The following SLC9A9 variants were observed in gnomAD, a reference collection of about 807,000 sequenced individuals.
The protein encoded by SLC9A9 is sodium/hydrogen exchanger 9.
In SLC9A9, 62 loss-of-function variants were observed where a neutral mutation model predicts 77.8. That is an observed-to-expected ratio of 0.80 (90% CI 0.65 to 0.98). The LOEUF (loss-of-function observed/expected upper bound fraction) is 0.98. SLC9A9 is among the 50% of genes least tolerant of loss of function. The pLI, the probability that SLC9A9 is intolerant of heterozygous loss-of-function variation, is 0.00. For missense variants in SLC9A9, 775 were observed against 774.9 expected, an observed-to-expected ratio of 1.00 and a Z score of 0.00; for synonymous variants, 320 against 283.5, an observed-to-expected ratio of 1.13 and a Z score of -1.29.
chr3:143,516,006 C>T (rs2036197221), intron 9 of SLC9A9, among the ~76,000 whole-genome samples: 1 of 152,106 alleles, frequency 6.6e-6, no homozygotes, highest in East Asian at 1.9e-4. Flanking sequence ...AATTCTGGGC[C>T]TTGTGTTTTT....
chr3:143,540,982 A>G (rs967059834), intron 9 of SLC9A9, among the ~76,000 whole-genome samples: 1 of 152,224 alleles, frequency 6.6e-6, no homozygotes, highest in African/African-American at 2.4e-5. Context: ...ACCATATACG[A>G]AATTAAAAGC....
At chr3:143,404,227 G>A (rs541790992) in intron 12 of SLC9A9, among the ~76,000 whole-genome samples, 64 of 149,020 alleles carry the variant, frequency 4.3e-4, no homozygotes, top group African/African-American at 1.5e-3. Context: ...AGGCTAGAGC[G>A]CAGTGGCGTG....
At chr3:143,646,515 T>C (rs1334085239) in intron 6 of SLC9A9, among the ~76,000 whole-genome samples, 1 of 149,758 alleles carries the variant, frequency 6.7e-6, no homozygotes, top group African/African-American at 2.5e-5. Context: ...ATTGTGAATA[T>C]CTTTTCCCAT....
At chr3:143,628,193 G>A (rs901984809) in intron 6 of SLC9A9, among the ~76,000 whole-genome samples, 1 of 152,160 alleles carries the variant, frequency 6.6e-6, no homozygotes, top group Non-Finnish European at 1.5e-5. Context: ...GGGATGGAGG[G>A]ATAAAAGGAG....
intron 6 of SLC9A9, among the ~76,000 whole-genome samples, chr3:143,588,527 CCT>C (rs1253709415): frequency 6.6e-6 from 1 of 152,054 alleles, no homozygotes. Flanking sequence ...GACAAAGAGG[CCT>C]CTGAGTTTAA....
intron 12 of SLC9A9, among the ~76,000 whole-genome samples, chr3:143,437,094 C>T (rs2034634139): frequency 6.6e-6 from 1 of 152,224 alleles, no homozygotes. Context: ...CCAGACTTGG[C>T]CCTTCATGTC....
rs146918475 is a variant in SLC9A9 at position 143,834,046 on chromosome 3, G to A, written c.176-1825C>T. 7.2e-3 allele frequency among the ~76,000 whole-genome samples: 1,093 copies of A among 152,256 alleles called. 7 individuals are homozygous for A. Among genetic ancestry groups the A allele is most frequent in the Middle Eastern group, 0.014 (4 of 294 alleles). ...GGGAGTAAACCAATCATGCTTTCAT[G>A]TGAGAACCATCACTTTGGCAACAAT... On this transcript the variant is annotated intron_variant, in intron 1 of 15. Coordinates refer to ENST00000316549, the MANE Select transcript of SLC9A9 (RefSeq NM_173653.4).
chr3:143,405,394 A>G (rs1430540575), intron 12 of SLC9A9, among the ~76,000 whole-genome samples: 2 of 152,064 alleles, frequency 1.3e-5, no homozygotes, highest in African/African-American at 4.8e-5. Context: ...CGGGGAGAGG[A>G]TGGTGGGTCC....
intron 2 of SLC9A9, among the ~76,000 whole-genome samples, chr3:143,812,447 G>T (rs2008893953): frequency 6.6e-6 from 1 of 152,200 alleles, no homozygotes. Flanking sequence ...AAATAATGTG[G>T]CTGTGCTCAA....
At chr3:143,396,249 C>G (rs1323122581) in intron 12 of SLC9A9, among the ~76,000 whole-genome samples, 1 of 152,144 alleles carries the variant, frequency 6.6e-6, no homozygotes, top group Admixed American at 6.5e-5. Context: ...CACATATACA[C>G]CATGGAATAC....
At chr3:143,707,639 T>C (rs1223331790) in intron 4 of SLC9A9, among the ~76,000 whole-genome samples, 2 of 152,210 alleles carry the variant, frequency 1.3e-5, no homozygotes, top group African/African-American at 4.8e-5. Flanking sequence ...GCATTAGGGA[T>C]AATCTATTAG....
intron 14 of SLC9A9, among the ~76,000 whole-genome samples, chr3:143,345,499 A>AGGG (rs1303247978): frequency 5.3e-5 from 8 of 152,214 alleles, no homozygotes; most frequent in African/African-American, 1.9e-4. Flanking sequence ...GTCATTGCTG[A>AGGG]CCTAACAAGC....
chr3:143,310,060 T>A (rs2030958807), intron 14 of SLC9A9, among the ~76,000 whole-genome samples: 2 of 152,262 alleles, frequency 1.3e-5, no homozygotes, highest in South Asian at 2.1e-4. Context: ...ATGTGTTGCT[T>A]ACTTGGGAGT....
Position 143,526,674 on chromosome 3 carries a change from T to C in SLC9A9, c.1089+25688A>G, listed in dbSNP as rs549749588. Among the ~76,000 whole-genome samples the C allele has an allele frequency of 5.9e-5, 9 of 152,290 alleles. 1 individual carries two copies. In the South Asian group the frequency reaches 1.9e-3, roughly 32 times the overall value. ...AACAATTTATTCAACTTCAATTTGC[T>C]GAGAGGAAAAACCTCCTATTCTCTA... On this transcript the variant is annotated intron_variant, in intron 9 of 15. Transcript: ENST00000316549.
At chr3:143,647,216 C>T (rs921152441) in intron 6 of SLC9A9, among the ~76,000 whole-genome samples, 1 of 152,132 alleles carries the variant, frequency 6.6e-6, no homozygotes, top group African/African-American at 2.4e-5. Flanking sequence ...GATTGAGTAA[C>T]TTGCCCAAGG....
chr3:143,557,003 T>C (rs1411546871), intron 8 of SLC9A9, among the ~76,000 whole-genome samples: 2 of 152,218 alleles, frequency 1.3e-5, no homozygotes, highest in Non-Finnish European at 2.9e-5. Flanking sequence ...GATGTGGTTA[T>C]ATGGTTTGGC....
At chr3:143,795,808 T>C (rs566424809) in intron 3 of SLC9A9, among the ~76,000 whole-genome samples, 2 of 152,336 alleles carry the variant, frequency 1.3e-5, no homozygotes, top group East Asian at 3.9e-4. Context: ...TGATGCTTAG[T>C]ATTGGGACTG....
At chr3:143,445,415 A>G (rs1306698288) in intron 12 of SLC9A9, among the ~76,000 whole-genome samples, 1 of 152,198 alleles carries the variant, frequency 6.6e-6, no homozygotes, top group African/African-American at 2.4e-5. Flanking sequence ...ATGGAATGTG[A>G]GTAGACATGA....
chr3:143,432,118 A>G (rs12637967), intron 12 of SLC9A9, among the ~76,000 whole-genome samples: 17,874 of 152,122 alleles, frequency 0.12, 1,130 homozygotes, highest in East Asian at 0.16. Context: ...TGTTAAGCTA[A>G]TTTCTCACGG....
Sources: allele counts gnomAD v4.1 joint callset (sites outside exome capture counted in the v4.1 genomes callset), GRCh38; gene constraint gnomAD v4.1.1; transcripts MANE v1.5; gene names NCBI Gene and HGNC (gene_info 2026-07-23, HGNC 2026-07-21).